Variants in CTIF observed in about 807,000 individuals in gnomAD.
CTIF encodes the protein CBP80/20-dependent translation initiation factor.
CTIF carries 21 observed loss-of-function variants against 66.0 expected under a neutral mutation model. The ratio of observed to expected loss-of-function variants is 0.32; its 90% CI spans 0.23 to 0.46. The LOEUF (loss-of-function observed/expected upper bound fraction) is 0.46. CTIF is among the 20% of genes least tolerant of loss of function. The probability of loss-of-function intolerance (pLI) is 1.00; values close to 1 mark genes in which losing one functional copy is unlikely to be tolerated. For synonymous variants in CTIF, 345 were observed against 326.4 expected (o/e 1.06, Z -0.62); for missense variants, 739 against 812.7 (o/e 0.91, Z 1.10).
At chr18:48,718,925 T>C (rs2092307502) in intron 7 of CTIF, among the ~76,000 whole-genome samples, 1 of 152,182 alleles carries the variant, frequency 6.6e-6, no homozygotes, top group Non-Finnish European at 1.5e-5. Context: ...CCGTGGAGTC[T>C]TCCAGGCCCT....
In CTIF at chr18:48,622,853, T is replaced by A. The variant is rs143079340; in HGVS notation, c.180+3108T>A. On this transcript the variant is annotated intron_variant, in intron 2 of 11. Coordinates refer to ENST00000256413, the MANE Select transcript of CTIF (RefSeq NM_014772.3). ...TGGCTGGGTACCCCCTGTTGTGGGCTGCCTGCCTTTTCAGCTGTGTGGCAT... is the reference window on the plus strand; with the variant it reads ...TGGCTGGGTACCCCCTGTTGTGGGCAGCCTGCCTTTTCAGCTGTGTGGCAT... Among the ~76,000 whole-genome samples, 344 of 152,320 alleles carry A rather than the reference T, an allele frequency of 2.3e-3. 2 individuals are homozygous for A. The East Asian group carries it at 0.025, about 11-fold the overall frequency.
chr18:48,551,366 A>T (rs547828973), intron 1 of CTIF, among the ~76,000 whole-genome samples: 1 of 152,022 alleles, frequency 6.6e-6, no homozygotes, highest in Non-Finnish European at 1.5e-5. Context: ...TGAATATGGA[A>T]GGATTCTCCC....
chr18:48,550,643 C>T (rs1055690384), intron 1 of CTIF, among the ~76,000 whole-genome samples: 3 of 152,164 alleles, frequency 2.0e-5, no homozygotes, highest in African/African-American at 7.2e-5. Flanking sequence ...ACAGCACAGT[C>T]TGTGGGTTGC....
At chr18:48,575,482 C>T (rs932066836) in intron 1 of CTIF, among the ~76,000 whole-genome samples, 1 of 152,216 alleles carries the variant, frequency 6.6e-6, no homozygotes, top group Non-Finnish European at 1.5e-5. Context: ...TTTCTTTTGC[C>T]TTCAGGGGTT....
In CTIF at chr18:48,761,356, C is replaced by G. The variant is rs1216724623; in HGVS notation, c.1072-34C>G. The G allele has an allele frequency of 6.2e-7, 1 of 1,600,958 alleles. No individual in the cohort carries two copies. The highest frequency in any genetic ancestry group is 1.3e-5 in the African/African-American group (1 of 74,800). The stretch of plus-strand genomic sequence containing the variant: ...CCCCTGCACAGAGACCTCGGCTTCA[C>G]TCAGGCACATTCATTTGTCTCCGAC... On this transcript the variant is annotated intron_variant, in intron 8 of 11. Transcript: ENST00000256413. This position sits in a 1 kb window ranked among gnomAD's most constrained non-coding sequence, Gnocchi z 4.2.
At chr18:48,687,665 G>C (rs892483523) in intron 6 of CTIF, among the ~76,000 whole-genome samples, 2 of 152,222 alleles carry the variant, frequency 1.3e-5, no homozygotes, top group African/African-American at 4.8e-5. Context: ...CTGGTACGCT[G>C]TTGGAGCTCC....
intron 7 of CTIF, among the ~76,000 whole-genome samples, chr18:48,717,246 A>G (rs1466270107): frequency 6.6e-6 from 1 of 152,012 alleles, no homozygotes; most frequent in Non-Finnish European, 1.5e-5. Flanking sequence ...CTAAAAATAC[A>G]AAATTAGCCG....
At chr18:48,580,539 A>G (rs1475727690) in intron 1 of CTIF, among the ~76,000 whole-genome samples, 1 of 152,164 alleles carries the variant, frequency 6.6e-6, no homozygotes, top group Non-Finnish European at 1.5e-5. Flanking sequence ...TGCTTTCTAC[A>G]CATCCTGAAG....
At chr18:48,606,574 A>C (rs11660262) in intron 1 of CTIF, among the ~76,000 whole-genome samples, 1 of 152,136 alleles carries the variant, frequency 6.6e-6, no homozygotes, top group East Asian at 1.9e-4. Flanking sequence ...TGGAGAGTAC[A>C]TAACTTCTGG....
At chr18:48,735,988 G>A (rs2092498869) in intron 7 of CTIF, among the ~76,000 whole-genome samples, 1 of 152,172 alleles carries the variant, frequency 6.6e-6, no homozygotes, top group South Asian at 2.1e-4. Flanking sequence ...TGGTGGTTAG[G>A]ATGGCCCCGT....
At chr18:48,823,976 CCACACACA>C (rs35554666) in intron 10 of CTIF, among the ~76,000 whole-genome samples, 2,148 of 124,200 alleles carry the variant, frequency 0.017, 55 homozygotes, top group African/African-American at 0.048. Context: ...CCTAAAGACT[CCACACACA>C]CACACACACA....
At chr18:48,653,398 C>T (rs906709690) in intron 3 of CTIF, among the ~76,000 whole-genome samples, 1 of 152,036 alleles carries the variant, frequency 6.6e-6, no homozygotes, top group African/African-American at 2.4e-5. Context: ...GAATAAAATA[C>T]CTAGGAATCC....
chr18:48,733,268 T>G (rs2092471629), intron 7 of CTIF, among the ~76,000 whole-genome samples: 2 of 149,436 alleles, frequency 1.3e-5, no homozygotes, highest in Admixed American at 6.7e-5. Context: ...TGGGAGGGGG[T>G]GGGTGCTCAG....
At chr18:48,669,798 TATATATATA>T (rs2091496171) in intron 5 of CTIF, among the ~76,000 whole-genome samples, 1 of 53,576 alleles carries the variant, frequency 1.9e-5, no homozygotes, top group African/African-American at 9.6e-5. Context: ...AACATTTATA[TATATATATA>T]TATATATATA....
rs549509996 is a variant in CTIF at position 48,754,722 on chromosome 18, G to A, written c.585-3197G>A. On this transcript the variant is annotated intron_variant, in intron 7 of 11. Transcript: ENST00000256413. The stretch of plus-strand genomic sequence containing the variant: ...TTTCCACATGTGCAAAGGAGCCGCC[G>A]CCCAGCAAGGGTGAGCCTGAGAACG... Among the ~76,000 whole-genome samples, 8 of 152,346 alleles carry A rather than the reference G, an allele frequency of 5.3e-5. No homozygotes were observed. The East Asian group carries it at 9.6e-4, about 18-fold the overall frequency.
chr18:48,612,955 G>A (rs2090334807), intron 1 of CTIF, among the ~76,000 whole-genome samples: 1 of 152,152 alleles, frequency 6.6e-6, no homozygotes, highest in Admixed American at 6.5e-5. Flanking sequence ...TGGGTGCTGG[G>A]GGTGGAGAGG....
In CTIF at chr18:48,859,452, C is replaced by T. The variant is rs1165050224; in HGVS notation, c.1690C>T (p.Arg564Trp). ...GTGCCCCTCGGAGTCCATGCTGACC[C>T]GGTCGCTGCTCCTAGAGGTCATCGA... The part of the protein sequence containing the change: ...MLCPSESMLT[R>W]SLLLEVIELH... Residue 564 changes from arginine to tryptophan, a missense_variant, in exon 12 of 12, where the codon CGG becomes TGG. Coordinates refer to ENST00000256413, the MANE Select transcript of CTIF (RefSeq NM_014772.3). 2 of 1,614,192 alleles carry T rather than the reference C, an allele frequency of 1.2e-6. No homozygotes were observed. Among genetic ancestry groups the T allele is most frequent in the Non-Finnish European group, 1.7e-6 (2 of 1,180,026 alleles).
At chr18:48,811,203 C>A (rs1301504163) in intron 9 of CTIF, among the ~76,000 whole-genome samples, 1 of 152,056 alleles carries the variant, frequency 6.6e-6, no homozygotes, top group East Asian at 1.9e-4. Context: ...AATTAAATAT[C>A]TTCTCTTCCA....
intron 6 of CTIF, among the ~76,000 whole-genome samples, chr18:48,701,071 C>T (rs1250208569): frequency 6.6e-6 from 1 of 152,208 alleles, no homozygotes; most frequent in Non-Finnish European, 1.5e-5. Flanking sequence ...TGAGCTTGCT[C>T]TCTAGAGTTC....
Sources: gnomAD v4.1 joint callset for allele counts (sites outside exome capture counted in the v4.1 genomes callset) on GRCh38, gnomAD v4.1.1 for gene constraint, Gnocchi (gnomAD v3.1) non-coding constraint, MANE v1.5 for transcripts, NCBI Gene and HGNC (gene_info 2026-07-23, HGNC 2026-07-21) for gene names.